LPP: variants seen among roughly 807,000 people sequenced by gnomAD.
LPP encodes the protein LIM domain containing preferred translocation partner in lipoma.
A neutral mutation model predicts 60.4 loss-of-function variants in LPP; 38 were observed. The observed-to-expected ratio is 0.63, with a 90% CI of 0.49 to 0.83. The LOEUF is 0.83. Among genes scored for constraint, LPP ranks in the 40% least tolerant of loss-of-function variants. The pLI is 0.00. For missense variants in LPP, 902 were observed against 783.6 expected, an observed-to-expected ratio of 1.15 and a Z score of -1.80; for synonymous variants, 328 against 290.8, an observed-to-expected ratio of 1.13 and a Z score of -1.30.
intron 2 of LPP, among the ~76,000 whole-genome samples, chr3:188,250,768 T>TCTGTCTG (rs1560158476): frequency 8.7e-6 from 1 of 114,962 alleles, no homozygotes; most frequent in African/African-American, 4.2e-5. Context: ...CTTTCTTTCT[T>TCTGTCTG]TCTTTCTTTC....
intron 7 of LPP, among the ~76,000 whole-genome samples, chr3:188,613,883 T>C (rs1414762345): frequency 6.6e-6 from 1 of 150,872 alleles, no homozygotes; most frequent in Non-Finnish European, 1.5e-5. Flanking sequence ...ATTCCAGTAG[T>C]ATGAGAATAT....
intron 9 of LPP, among the ~76,000 whole-genome samples, chr3:188,792,152 CT>C (rs1446772655): frequency 2.0e-5 from 3 of 152,158 alleles, no homozygotes; most frequent in African/African-American, 7.2e-5. Flanking sequence ...TCATGTATAT[CT>C]ATTCTCAGAG....
chr3:188,687,826 G>C lies in LPP; in HGVS notation c.1114-20441G>C, dbSNP rs202111842. The stretch of plus-strand genomic sequence containing the variant: ...GTCTCGCTCTGTCGCCCAGGCTGGG[G>C]TGCAGTGGCACGATCTCGGCTCACT... On this transcript the variant is annotated intron_variant, in intron 7 of 11. Coordinates refer to ENST00000617246, the MANE Select transcript of LPP (RefSeq NM_001375462.1). Among the ~76,000 whole-genome samples, 10 of 147,556 alleles carry C rather than the reference G, an allele frequency of 6.8e-5. No homozygotes were observed. In the East Asian group the frequency reaches 2.0e-3, roughly 29 times the overall value.
intron 3 of LPP, among the ~76,000 whole-genome samples, chr3:188,401,497 C>T (rs1452843062): frequency 6.6e-5 from 10 of 152,196 alleles, no homozygotes; most frequent in African/African-American, 2.2e-4. Context: ...GCTTTTCTGA[C>T]ATCCCCCAAG....
chr3:188,719,332 G>T (rs1003988596), intron 8 of LPP, among the ~76,000 whole-genome samples: 14 of 152,188 alleles, frequency 9.2e-5, no homozygotes, highest in African/African-American at 3.4e-4. Context: ...ACGTTTACTT[G>T]AGTTGTCCAT....
intron 1 of LPP, among the ~76,000 whole-genome samples, chr3:188,158,035 C>T (rs894030849): frequency 2.0e-5 from 3 of 151,882 alleles, no homozygotes; most frequent in Non-Finnish European, 4.4e-5. Context: ...CGATAGGGGC[C>T]GTTAAGTGGT....
intron 2 of LPP, among the ~76,000 whole-genome samples, chr3:188,268,017 A>ATTTTTTTT (rs5855185): frequency 2.0e-5 from 2 of 102,346 alleles, no homozygotes. Flanking sequence ...ATTTTTAAGG[A>ATTTTTTTT]TTTTTTTTTT....
Position 188,313,451 on chromosome 3 carries a change from C to T in LPP, c.-66-28212C>T, listed in dbSNP as rs528444805. Reference sequence around the variant, plus strand: ...GGTCAGAAGTTCAAGACCAGCCTGGCCAACATGGTGAAACCCTATCTACTA... The same window carrying T: ...GGTCAGAAGTTCAAGACCAGCCTGGTCAACATGGTGAAACCCTATCTACTA... On this transcript the variant is annotated intron_variant, in intron 2 of 11. Transcript: ENST00000617246. 5.9e-4 allele frequency among the ~76,000 whole-genome samples: 90 copies of T among 152,052 alleles called. 1 individual carries two copies. The highest frequency in any genetic ancestry group is 2.0e-3 in the African/African-American group (85 of 41,474).
intron 6 of LPP, among the ~76,000 whole-genome samples, chr3:188,598,658 C>T (rs958989754): frequency 1.1e-4 from 16 of 152,058 alleles, no homozygotes; most frequent in Non-Finnish European, 1.9e-4. Flanking sequence ...ACTGGTATTT[C>T]GAATTAATGT....
chr3:188,809,422 A>G (rs1188464496), intron 9 of LPP, among the ~76,000 whole-genome samples: 1 of 152,072 alleles, frequency 6.6e-6, no homozygotes, highest in Admixed American at 6.6e-5. Flanking sequence ...ATTTGCATTT[A>G]TCTAATGATC....
chr3:188,696,620 AC>A (rs1863296241), intron 7 of LPP, among the ~76,000 whole-genome samples: 1 of 152,166 alleles, frequency 6.6e-6, no homozygotes, highest in Admixed American at 6.5e-5. Context: ...AATTCTATTT[AC>A]CCCATTTTAT....
At chr3:188,462,544 T>TTATATA (rs71167102) in intron 4 of LPP, among the ~76,000 whole-genome samples, 8 of 34,190 alleles carry the variant, frequency 2.3e-4, no homozygotes, top group East Asian at 1.3e-3. Context: ...TATATGAGCT[T>TTATATA]TATATATATA....
At chr3:188,544,485 C>A (rs1579815501) in intron 6 of LPP, among the ~76,000 whole-genome samples, 1 of 150,936 alleles carries the variant, frequency 6.6e-6, no homozygotes, top group Non-Finnish European at 1.5e-5. Flanking sequence ...TTTATGCAGC[C>A]AAAAAACACA....
At chr3:188,722,929 C>A (rs1256027371) in intron 8 of LPP, among the ~76,000 whole-genome samples, 1 of 152,116 alleles carries the variant, frequency 6.6e-6, no homozygotes, top group African/African-American at 2.4e-5. Flanking sequence ...TTGTTAACGT[C>A]AGTGTTTATC....
chr3:188,442,982 T>C lies in LPP; in HGVS notation c.193+36669T>C, dbSNP rs1025396063. On this transcript the variant is annotated intron_variant, in intron 4 of 11. Transcript: ENST00000617246. ...TGTGTGTCTATTTGTAAAACCATTTTGGAGATGATAAAAAGCATTCTGAGA... is the reference window on the plus strand; with the variant it reads ...TGTGTGTCTATTTGTAAAACCATTTCGGAGATGATAAAAAGCATTCTGAGA... 1.2e-4 allele frequency among the ~76,000 whole-genome samples: 18 copies of C among 152,332 alleles called. 1 individual carries two copies. The highest frequency in any genetic ancestry group is 2.6e-4 in the African/African-American group (11 of 41,572).
chr3:188,161,719 C>T (rs1308687272), intron 1 of LPP, among the ~76,000 whole-genome samples: 1 of 152,188 alleles, frequency 6.6e-6, no homozygotes, highest in Non-Finnish European at 1.5e-5. Context: ...TCACACCTTC[C>T]TTCCCCACTC....
At chr3:188,574,166 G>T (rs1300552061) in intron 6 of LPP, among the ~76,000 whole-genome samples, 1 of 152,088 alleles carries the variant, frequency 6.6e-6, no homozygotes, top group Non-Finnish European at 1.5e-5. Flanking sequence ...CCTCTTCAGT[G>T]GCATCCAGAG....
At chr3:188,470,281 T>TACACAC (rs59656753) in intron 4 of LPP, among the ~76,000 whole-genome samples, 1,632 of 126,828 alleles carry the variant, frequency 0.013, 17 homozygotes, top group Middle Eastern at 0.03. Flanking sequence ...CTCTCTCTCA[T>TACACAC]ACACACACAC....
At chr3:188,586,458 T>C (rs1837469262) in intron 6 of LPP, among the ~76,000 whole-genome samples, 1 of 152,108 alleles carries the variant, frequency 6.6e-6, no homozygotes, top group African/African-American at 2.4e-5. Context: ...TTAATTGATA[T>C]TAGAAAGGAG....
Sources: allele counts gnomAD v4.1 joint callset (sites outside exome capture counted in the v4.1 genomes callset), GRCh38; gene constraint gnomAD v4.1.1; transcripts MANE v1.5; gene names NCBI Gene and HGNC (gene_info 2026-07-23, HGNC 2026-07-21).